RGS9: variants seen among roughly 807,000 people sequenced by gnomAD.
RGS9 encodes the protein regulator of G-protein signalling 9.
In RGS9, 78 loss-of-function variants were observed where a neutral mutation model predicts 102.0. That is an observed-to-expected ratio of 0.76 (90% CI 0.64 to 0.92). RGS9 has a LOEUF of 0.92. Among genes scored for constraint, RGS9 ranks in the 40% least tolerant of loss-of-function variants. RGS9 has a pLI of 0.00. For missense variants in RGS9, 833 were observed against 866.1 expected (o/e 0.96, Z 0.48); for synonymous variants, 353 against 318.6 (o/e 1.11, Z -1.15).
At chr17:65,157,687 G>A (rs1474166113) in intron 2 of RGS9, among the ~76,000 whole-genome samples, 1 of 152,020 alleles carries the variant, frequency 6.6e-6, no homozygotes, top group African/African-American at 2.4e-5. Context: ...ACTAGGATAG[G>A]TCCCAACCTC....
chr17:65,200,398 T>C (rs2144088082), intron 13 of RGS9, among the ~76,000 whole-genome samples: 1 of 152,342 alleles, frequency 6.6e-6, no homozygotes, highest in Non-Finnish European at 1.5e-5. Context: ...TGTTCATCCA[T>C]TCTTTTATCG....
intron 9 of RGS9, 61 bp from the exon 10 acceptor site, chr17:65,189,225 G>A: frequency 1.5e-6 from 2 of 1,376,240 alleles, no homozygotes; most frequent in Non-Finnish European, 2.1e-6. Flanking sequence ...TTTCAAATGG[G>A]TGTTTGAACT....
At chr17:65,138,172 C>T (rs1319420717) in intron 1 of RGS9, among the ~76,000 whole-genome samples, 4 of 152,218 alleles carry the variant, frequency 2.6e-5, no homozygotes, top group Non-Finnish European at 5.9e-5. Flanking sequence ...AGTGACCGGG[C>T]ACAGGGTGTG....
Position 65,158,278 on chromosome 17 carries a change from T to A in RGS9, c.155-17T>A. On this transcript the variant is annotated splice_polypyrimidine_tract_variant and intron_variant, in intron 2 of 18. Transcript: ENST00000262406. ...AGGAGGCTATGACAATAACCGCAAA[T>A]GTCTCTTGTTTTTCAGGAAGTGATG... 6.2e-7 allele frequency: 1 copy of A among 1,613,878 alleles called. No homozygotes were observed. Among genetic ancestry groups the A allele is most frequent in the Non-Finnish European group, 8.5e-7 (1 of 1,179,840 alleles).
In RGS9 at chr17:65,193,654, A is replaced by G. The variant is rs1912467402; in HGVS notation, c.858A>G (p.Lys286=). Residue 286 remains lysine (K), a splice_region_variant and synonymous_variant, in exon 12 of 19, where the codon AAA becomes AAG. Transcript: ENST00000262406. ...CCCAGTTCTGGGACTTAAATGCCAA[A>G]TTGTATGTATTTTATATATTGGTGT... The part of the protein sequence containing the change: ...DDTQFWDLNA[K]LVEIPTKMRV... The G allele has an allele frequency of 6.3e-7, 1 of 1,593,200 alleles. No homozygotes were observed. The highest frequency in any genetic ancestry group is 2.2e-5 in the East Asian group (1 of 44,784).
At position 65,211,593 on chromosome 17, in the gene RGS9, G is replaced by A. The variant is rs893954205; in HGVS notation, c.1407+988G>A. Among the ~76,000 whole-genome samples the A allele has an allele frequency of 2.6e-5, 4 of 152,062 alleles. No individual in the cohort carries two copies. The East Asian group carries it at 5.8e-4, about 22-fold the overall frequency. On this transcript the variant is annotated intron_variant, in intron 17 of 18. Coordinates refer to ENST00000262406, the MANE Select transcript of RGS9 (RefSeq NM_003835.4). ...GTCAGCCCTGTGGTCAGGACTGGGG[G>A]AGAGGACAGTTCTAACTGACCTTGG...
At chr17:65,213,551 T>C (rs1280917321) in intron 17 of RGS9, among the ~76,000 whole-genome samples, 1 of 150,776 alleles carries the variant, frequency 6.6e-6, no homozygotes, top group East Asian at 2.1e-4. Flanking sequence ...AGTGTGGTGG[T>C]GAGGGTGGTG....
At chr17:65,145,576 A>G (rs1459276633) in intron 1 of RGS9, among the ~76,000 whole-genome samples, 28 of 140,084 alleles carry the variant, frequency 2.0e-4, no homozygotes. Flanking sequence ...ATATATTTTT[A>G]ATAGAGATGA....
chr17:65,200,218 G>C (rs931667570), intron 13 of RGS9, among the ~76,000 whole-genome samples: 14 of 152,046 alleles, frequency 9.2e-5, no homozygotes, highest in Admixed American at 7.2e-4. Context: ...TTTTAGTAGA[G>C]ACAGGGTTTC....
At chr17:65,171,344 G>A (rs1203719188) in intron 8 of RGS9, among the ~76,000 whole-genome samples, 1 of 152,170 alleles carries the variant, frequency 6.6e-6, no homozygotes, top group African/African-American at 2.4e-5. Context: ...CTATGATGTA[G>A]GGAATATCAC....
intron 6 of RGS9, among the ~76,000 whole-genome samples, chr17:65,161,282 T>A (rs963544240): frequency 3.3e-5 from 5 of 152,226 alleles, no homozygotes; most frequent in African/African-American, 1.2e-4. Flanking sequence ...GACAAGGTCT[T>A]GCTCTGTTGC....
chr17:65,170,370 T>C (rs1180696252), intron 8 of RGS9, among the ~76,000 whole-genome samples: 1 of 152,196 alleles, frequency 6.6e-6, no homozygotes, highest in Admixed American at 6.5e-5. Context: ...GCATTCTTAT[T>C]GAACCTTTGC....
chr17:65,139,192 C>G (rs1298996184), intron 1 of RGS9, among the ~76,000 whole-genome samples: 1 of 107,118 alleles, frequency 9.3e-6, no homozygotes, highest in Non-Finnish European at 2.1e-5. Flanking sequence ...TCCTCCTCCT[C>G]CCCAGCCTTC....
At position 65,168,181 on chromosome 17, in the gene RGS9, G is replaced by A. The variant is rs745428403; in HGVS notation, c.501-19G>A. On this transcript the variant is annotated intron_variant, in intron 7 of 18. Coordinates refer to ENST00000262406, the MANE Select transcript of RGS9 (RefSeq NM_003835.4). ...ACACAAAGTCTTCCTGGCCTTACAC[G>A]TGGCTTTTGGCTTTCCAGGGCTGGA... is the stretch of plus-strand genomic sequence containing the variant. The A allele has an allele frequency of 1.6e-5, 25 of 1,588,438 alleles. No homozygotes were observed. The highest frequency in any genetic ancestry group is 5.1e-5 in the Admixed American group (3 of 58,432).
At chr17:65,177,161 T>C (rs1211424373) in intron 8 of RGS9, among the ~76,000 whole-genome samples, 2 of 150,932 alleles carry the variant, frequency 1.3e-5, no homozygotes, top group Non-Finnish European at 2.9e-5. Flanking sequence ...CGTCCATCCA[T>C]CCATCCATCC....
chr17:65,206,042 G>A (rs1259484775), intron 15 of RGS9, among the ~76,000 whole-genome samples: 2 of 152,156 alleles, frequency 1.3e-5, no homozygotes, highest in African/African-American at 4.8e-5. Context: ...ATGTGATATA[G>A]GCTGTGTGAT....
rs746374265 is a variant in RGS9, at chr17:65,197,228, G to T, written c.963G>T (p.Lys321Asn). Residue 321 changes from lysine (K) to asparagine (N), a missense_variant, in exon 13 of 19, where the codon AAG becomes AAT. Lys to Asn is a moderately conservative substitution (Grantham distance 94). Coordinates refer to ENST00000262406, the MANE Select transcript of RGS9 (RefSeq NM_003835.4). ...GACAGAGCTTCCAGTACTTCCTCAA[G>T]AAAGAATTCAGTGGTGGGTCTTTGT... ...KGRQSFQYFL[K>N]KEFSGENLGF... 8 of 1,609,994 alleles carry T rather than the reference G, an allele frequency of 5.0e-6. No homozygotes were observed. In the East Asian group the frequency reaches 1.6e-4, roughly 31 times the overall value.
chr17:65,207,596 A>C (rs1431743054), intron 15 of RGS9, among the ~76,000 whole-genome samples: 1 of 152,226 alleles, frequency 6.6e-6, no homozygotes, highest in Non-Finnish European at 1.5e-5. Flanking sequence ...ACATAGGCTG[A>C]ATCACAGACA....
At chr17:65,177,030 T>A (rs148377807) in intron 8 of RGS9, among the ~76,000 whole-genome samples, 1 of 144,148 alleles carries the variant, frequency 6.9e-6, no homozygotes, top group Non-Finnish European at 1.5e-5. Flanking sequence ...CTCACTATGG[T>A]GCTGGGGATG....
Sources: gnomAD v4.1 joint callset for allele counts (sites outside exome capture counted in the v4.1 genomes callset) on GRCh38, gnomAD v4.1.1 for gene constraint, MANE v1.5 for transcripts, NCBI Gene and HGNC (gene_info 2026-07-23, HGNC 2026-07-21) for gene names.